ARHGAP18: variants seen among roughly 807,000 people sequenced by gnomAD.
ARHGAP18 encodes the protein Rho GTPase activating protein 18, also known as rho GTPase-activating protein 18.
A neutral mutation model predicts 86.2 loss-of-function variants in ARHGAP18; 67 were observed. That is an observed-to-expected ratio of 0.78 (90% confidence interval 0.64 to 0.95). The LOEUF (loss-of-function observed/expected upper bound fraction) is 0.95. Among genes scored for constraint, ARHGAP18 ranks in the 40% least tolerant of loss-of-function variants. The pLI is 0.00. For missense variants in ARHGAP18, 691 were observed against 780.4 expected, an observed-to-expected ratio of 0.89 and a Z score of 1.37; for synonymous variants, 283 against 280.4, an observed-to-expected ratio of 1.01 and a Z score of -0.09.
chr6:129,622,137 AC>A (rs912340579), intron 5 of ARHGAP18, among the ~76,000 whole-genome samples: 4 of 152,158 alleles, frequency 2.6e-5, no homozygotes, highest in African/African-American at 9.7e-5. Context: ...ATGGAGACAC[AC>A]ATCCTACAGG....
chr6:129,598,941 G>T (rs527670245), intron 12 of ARHGAP18: 2 of 212,516 alleles, frequency 9.4e-6, no homozygotes, highest in Admixed American at 1.2e-4. Flanking sequence ...GGGGTGTAGG[G>T]GTGTGTGTGT....
intron 1 of ARHGAP18, among the ~76,000 whole-genome samples, chr6:129,643,037 GTT>G (rs1773502532): frequency 6.6e-6 from 1 of 151,940 alleles, no homozygotes; most frequent in Admixed American, 6.6e-5. Context: ...AGTAAACAAT[GTT>G]TTTTGTTATA....
At chr6:129,696,323 A>G (rs1301877084) in intron 1 of ARHGAP18, among the ~76,000 whole-genome samples, 1 of 152,226 alleles carries the variant, frequency 6.6e-6, no homozygotes, top group Non-Finnish European at 1.5e-5. Context: ...ATAGCTAACT[A>G]ACATTTCACA....
At chr6:129,681,237 C>T (rs1052590028) in intron 1 of ARHGAP18, among the ~76,000 whole-genome samples, 2 of 152,162 alleles carry the variant, frequency 1.3e-5, no homozygotes, top group East Asian at 3.8e-4. Context: ...ACTGCCATGT[C>T]CAGCTAATTT....
chr6:129,610,617 T>A (rs1211045175), intron 8 of ARHGAP18, among the ~76,000 whole-genome samples: 1 of 152,036 alleles, frequency 6.6e-6, no homozygotes, highest in Non-Finnish European at 1.5e-5. Flanking sequence ...GAGTCTATGA[T>A]CCTGGCCTTT....
intron 1 of ARHGAP18, among the ~76,000 whole-genome samples, chr6:129,675,613 AG>A (rs1774218459): frequency 6.6e-6 from 1 of 152,192 alleles, no homozygotes; most frequent in Admixed American, 6.5e-5. Flanking sequence ...CATCTCTTGC[AG>A]CACAGCCACC....
At chr6:129,586,841 C>T (rs181662181) in intron 12 of ARHGAP18, among the ~76,000 whole-genome samples, 110 of 152,254 alleles carry the variant, frequency 7.2e-4, no homozygotes, top group African/African-American at 2.6e-3. Flanking sequence ...GCTTTCCTAT[C>T]TTTGTGTACG....
At chr6:129,597,171 A>C (rs1272930300) in intron 12 of ARHGAP18, among the ~76,000 whole-genome samples, 5 of 150,628 alleles carry the variant, frequency 3.3e-5, no homozygotes, top group Non-Finnish European at 7.4e-5. Flanking sequence ...TTTGAGATGA[A>C]GTCTCACTCT....
intron 1 of ARHGAP18, among the ~76,000 whole-genome samples, chr6:129,667,190 A>G (rs1417889447): frequency 7.2e-5 from 11 of 151,912 alleles, no homozygotes; most frequent in Admixed American, 7.2e-4. Context: ...TTACTAAGAA[A>G]AAAATATATT....
intron 3 of ARHGAP18, among the ~76,000 whole-genome samples, chr6:129,637,526 C>T (rs1773358971): frequency 6.6e-6 from 1 of 152,202 alleles, no homozygotes; most frequent in Admixed American, 6.5e-5. Flanking sequence ...AAAGCTGCCT[C>T]CTTACATATC....
Position 129,625,158 on chromosome 6 carries a change from T to TATATG in ARHGAP18, c.786+4194_786+4195insCATAT, listed in dbSNP as rs1554335983. Among the ~76,000 whole-genome samples, 134 of 53,306 alleles carry TATATG rather than the reference T, an allele frequency of 2.5e-3. 24 individuals are homozygous for TATATG. Among genetic ancestry groups the TATATG allele is most frequent in the African/African-American group, 0.011 (123 of 10,740 alleles). 35.0% of individuals were successfully genotyped at this position (53,306 alleles called of 152,430 possible). ...TGATATATATTATATATTATATAGA[T>TATATG]ATATATTATATATGATATATTATAT... On this transcript the variant is annotated intron_variant, in intron 5 of 14. Coordinates refer to ENST00000368149, the MANE Select transcript of ARHGAP18 (RefSeq NM_033515.3).
intron 12 of ARHGAP18, among the ~76,000 whole-genome samples, chr6:129,586,328 C>T (rs550540071): frequency 2.4e-4 from 36 of 152,294 alleles, no homozygotes; most frequent in Non-Finnish European, 4.9e-4. Context: ...ACCTTGTCTA[C>T]TCAGTAAGCA....
At chr6:129,612,396 A>T (rs1165533836) in intron 7 of ARHGAP18, among the ~76,000 whole-genome samples, 1 of 152,238 alleles carries the variant, frequency 6.6e-6, no homozygotes, top group Non-Finnish European at 1.5e-5. Context: ...TTTGAATATA[A>T]GGCATTTCCT....
chr6:129,704,287 A>G (rs1457328031), intron 1 of ARHGAP18, among the ~76,000 whole-genome samples: 3 of 152,182 alleles, frequency 2.0e-5, no homozygotes, highest in Non-Finnish European at 2.9e-5. Context: ...TTCACTAAAT[A>G]TACAAAAATT....
intron 1 of ARHGAP18, among the ~76,000 whole-genome samples, chr6:129,646,729 A>C (rs1160286619): frequency 6.6e-6 from 1 of 152,184 alleles, no homozygotes; most frequent in Admixed American, 6.5e-5. Flanking sequence ...TTCTGCGTTC[A>C]ATCTTTTACA....
At chr6:129,596,995 C>CA (rs1183623596) in intron 12 of ARHGAP18, 4 of 152,066 alleles carry the variant, frequency 2.6e-5, no homozygotes, top group African/African-American at 9.7e-5. Flanking sequence ...AAGCAACATG[C>CA]AAAAAACTCT....
chr6:129,611,525 G>A lies in ARHGAP18; in HGVS notation c.1122+8C>T. 6.2e-7 allele frequency: 1 copy of A among 1,612,674 alleles called. No individual in the cohort carries two copies. The highest frequency in any genetic ancestry group is 1.3e-5 in the African/African-American group (1 of 75,000). On this transcript the variant is annotated splice_region_variant and intron_variant, in intron 8 of 14. Coordinates refer to ENST00000368149, the MANE Select transcript of ARHGAP18 (RefSeq NM_033515.3). ...AAAATGTTTACATTAGTAGAACCCAGAGATTACCTTGATTCTAATGGCAGC... is the reference window on the plus strand; with the variant it reads ...AAAATGTTTACATTAGTAGAACCCAAAGATTACCTTGATTCTAATGGCAGC...
chr6:129,621,771 AATT>A (rs1159405355), intron 5 of ARHGAP18, among the ~76,000 whole-genome samples: 2 of 152,180 alleles, frequency 1.3e-5, no homozygotes, highest in Non-Finnish European at 2.9e-5. Context: ...TGATAATAAT[AATT>A]ATCTTATCGA....
At chr6:129,624,552 A>G (rs1173007723) in intron 5 of ARHGAP18, among the ~76,000 whole-genome samples, 1 of 151,894 alleles carries the variant, frequency 6.6e-6, no homozygotes. Flanking sequence ...AAAAAACCAT[A>G]CTTTTCCTGA....
Sources: allele counts gnomAD v4.1 joint callset (sites outside exome capture counted in the v4.1 genomes callset), GRCh38; gene constraint gnomAD v4.1.1; transcripts MANE v1.5; gene names NCBI Gene and HGNC (gene_info 2026-07-23, HGNC 2026-07-21).